The following MKLN1 variants were observed in gnomAD, a reference collection of about 807,000 sequenced individuals.
The protein encoded by MKLN1 is muskelin.
Under a neutral mutation model 99.0 loss-of-function variants are expected in MKLN1, and 18 were observed. That is an observed-to-expected ratio of 0.18 (90% confidence interval 0.13 to 0.27). The LOEUF is 0.27. Among genes scored for constraint, MKLN1 ranks in the 10% least tolerant of loss-of-function variants. The pLI, the probability that MKLN1 is intolerant of heterozygous loss-of-function variation, is 1.00. For synonymous variants in MKLN1, 288 were observed against 293.2 expected, an observed-to-expected ratio of 0.98 and a Z score of 0.18; for missense variants, 621 against 875.9, an observed-to-expected ratio of 0.71 and a Z score of 3.67.
chr7:131,375,233 C>T (rs1352347098), intron 1 of MKLN1, among the ~76,000 whole-genome samples, 191 bp from the exon 2 acceptor site: 1 of 152,018 alleles, frequency 6.6e-6, no homozygotes, highest in Non-Finnish European at 1.5e-5. Context: ...GTTGAAAATA[C>T]CACCTTTGTC....
intron 12 of MKLN1, among the ~76,000 whole-genome samples, chr7:131,462,652 A>G (rs1182117719): frequency 6.6e-6 from 1 of 152,196 alleles, no homozygotes; most frequent in Admixed American, 6.5e-5. Context: ...TTCAGGCACT[A>G]TTCTAGACAC....
At position 131,282,122 on chromosome 7, in the gene MKLN1, GGT is replaced by G. The variant is rs1235169657; in HGVS notation, c.-179+79150_-179+79151del. Among the ~76,000 whole-genome samples, 326 of 152,226 alleles carry G rather than the reference GGT, an allele frequency of 2.1e-3. 1 individual carries two copies. Among genetic ancestry groups the G allele is most frequent in the Admixed American group, 3.9e-3 (60 of 15,294 alleles). Reference sequence around the variant, plus strand: ...CCCAGCACTTTGGGAGGCCAAGGCGGGTGGATTACCTGAGTTTGGGAGTTTGA... The same window carrying G: ...CCCAGCACTTTGGGAGGCCAAGGCGGGGATTACCTGAGTTTGGGAGTTTGA... On this transcript the variant is annotated intron_variant, in intron 3 of 7. Coordinates refer to the MKLN1 transcript ENST00000416992.
At chr7:131,212,057 A>T (rs1796913700) in intron 3 of MKLN1, among the ~76,000 whole-genome samples, 1 of 152,254 alleles carries the variant, frequency 6.6e-6, no homozygotes. Context: ...CCTCAGTGTA[A>T]GCGGAGCTCT....
At position 131,445,852 on chromosome 7, in the gene MKLN1, T is replaced by A. The variant is rs767610880; in HGVS notation, c.1474T>A (p.Ser492Thr). 1 of 1,608,426 alleles carries A rather than the reference T, an allele frequency of 6.2e-7. No homozygotes were observed. Among genetic ancestry groups the A allele is most frequent in the South Asian group, 1.1e-5 (1 of 90,296 alleles). ...TGATTTCTTTAGTTATGATGTGGAC[T>A]CTGATCATGTAGACATAATATCAGA... ...LNDFFSYDVDSDHVDIISDGT... is the reference protein window; with the variant it reads ...LNDFFSYDVDTDHVDIISDGT... The change falls in exon 12 of 18, where the codon TCT (serine) becomes ACT (threonine). Residue 492 changes from serine to threonine, a missense_variant. By Grantham distance (58) the Ser-to-Thr change is moderately conservative (BLOSUM62 1). This residue lies in a region of MKLN1 where 361 missense variants were observed against 540.8 expected (regional missense o/e 0.67). Coordinates refer to ENST00000352689, the MANE Select transcript of MKLN1 (RefSeq NM_013255.5).
intron 3 of MKLN1, among the ~76,000 whole-genome samples, chr7:131,269,553 C>A (rs1325024153): frequency 6.6e-6 from 1 of 152,216 alleles, no homozygotes; most frequent in Non-Finnish European, 1.5e-5. Flanking sequence ...GTGGGGGAGA[C>A]ATAAACATTT....
intron 3 of MKLN1, among the ~76,000 whole-genome samples, chr7:131,204,194 G>A (rs1796771216): frequency 6.6e-6 from 1 of 152,204 alleles, no homozygotes; most frequent in Admixed American, 6.5e-5. Context: ...GTTCTCAGGA[G>A]GATAAGTCTG....
intron 3 of MKLN1, among the ~76,000 whole-genome samples, chr7:131,299,430 T>A (rs1324580999): frequency 2.6e-5 from 4 of 152,210 alleles, no homozygotes; most frequent in African/African-American, 9.6e-5. Context: ...AGTTAGGATT[T>A]AAGGAGTGCT....
chr7:131,483,481 A>C (rs968092109), intron 17 of MKLN1, among the ~76,000 whole-genome samples: 2 of 152,154 alleles, frequency 1.3e-5, no homozygotes, highest in African/African-American at 4.8e-5. Context: ...ATATATAACC[A>C]CGTATTATGT....
rs1794056870 is a variant in MKLN1 at position 131,387,146 on chromosome 7, T to G, written c.195T>G (p.Pro65=). 6.2e-7 allele frequency: 1 copy of G among 1,607,392 alleles called. No homozygotes were observed. The highest frequency in any genetic ancestry group is 8.5e-7 in the Non-Finnish European group (1 of 1,177,782). The change falls in exon 3 of 18, where the codon CCT becomes CCG. Residue 65 remains proline, a synonymous_variant. Coordinates refer to ENST00000352689, the MANE Select transcript of MKLN1 (RefSeq NM_013255.5). ...ACTTGATTCTAAAGCTCGAAAGGCC[T>G]GCTATAGTTCAGAATATCACATTTG... ...PQYLILKLER[P]AIVQNITFGK...
At chr7:131,334,844 T>C (rs1799204193) in intron 1 of MKLN1, among the ~76,000 whole-genome samples, 1 of 152,242 alleles carries the variant, frequency 6.6e-6, no homozygotes, top group Admixed American at 6.5e-5. Flanking sequence ...TTTTAATATG[T>C]ATAAAATGTT....
At chr7:131,474,922 G>A (rs1345066187) in intron 16 of MKLN1, among the ~76,000 whole-genome samples, 2 of 152,142 alleles carry the variant, frequency 1.3e-5, no homozygotes, top group South Asian at 2.1e-4. Flanking sequence ...GGGCAAGCAA[G>A]CACCTTTTTC....
chr7:131,131,015 G>T (rs934063551), intron 1 of MKLN1, among the ~76,000 whole-genome samples: 5 of 129,998 alleles, frequency 3.8e-5, no homozygotes, highest in Non-Finnish European at 7.7e-5. Context: ...TCATGCCATT[G>T]CACTCCAGCC....
chr7:131,146,837 A>G (rs1795820549), intron 2 of MKLN1, among the ~76,000 whole-genome samples: 1 of 152,220 alleles, frequency 6.6e-6, no homozygotes, highest in South Asian at 2.1e-4. Flanking sequence ...TGTACCAGGT[A>G]TGTCCAATGT....
intron 3 of MKLN1, among the ~76,000 whole-genome samples, chr7:131,280,277 GT>G (rs1259159537): frequency 6.6e-6 from 1 of 152,164 alleles, no homozygotes; most frequent in African/African-American, 2.4e-5. Flanking sequence ...TCACGTACAG[GT>G]TTCCATGTGG....
At chr7:131,197,202 T>G (rs1796659803) in intron 2 of MKLN1, among the ~76,000 whole-genome samples, 1 of 151,944 alleles carries the variant, frequency 6.6e-6, no homozygotes, top group African/African-American at 2.4e-5. Context: ...CTTGATTGTT[T>G]GATTGATTGA....
chr7:131,380,028 CTG>C (rs1027598833), intron 2 of MKLN1, among the ~76,000 whole-genome samples: 1 of 145,332 alleles, frequency 6.9e-6, no homozygotes, highest in African/African-American at 2.6e-5. Flanking sequence ...AAGCTAGAAT[CTG>C]GGGTGTGGTA....
At chr7:131,370,114 A>G (rs1248074577) in intron 1 of MKLN1, among the ~76,000 whole-genome samples, 1 of 152,262 alleles carries the variant, frequency 6.6e-6, no homozygotes, top group African/African-American at 2.4e-5. Context: ...TTGGGATTAC[A>G]GGCGTGAGCC....
chr7:131,457,230 CTG>C (rs1181676001), intron 12 of MKLN1, among the ~76,000 whole-genome samples: 3 of 151,440 alleles, frequency 2.0e-5, no homozygotes, highest in Non-Finnish European at 4.4e-5. Context: ...TCAGCTGAAA[CTG>C]TGCCATTGCA....
At chr7:131,335,736 A>G (rs907814603) in intron 1 of MKLN1, among the ~76,000 whole-genome samples, 3 of 151,152 alleles carry the variant, frequency 2.0e-5, no homozygotes, top group Non-Finnish European at 4.4e-5. Flanking sequence ...TACTTTTTGA[A>G]CGTTTGGGGA....
Sources: gnomAD v4.1 joint callset for allele counts (sites outside exome capture counted in the v4.1 genomes callset) on GRCh38, gnomAD v4.1.1 for gene constraint, gnomAD v4.1.1 regional missense constraint, MANE v1.5 for transcripts, NCBI Gene and HGNC (gene_info 2026-07-23, HGNC 2026-07-21) for gene names.